The following AGTPBP1 variants were observed in gnomAD, a reference collection of about 807,000 sequenced individuals.
AGTPBP1 encodes the protein cytosolic carboxypeptidase 1.
A neutral mutation model predicts 143.9 loss-of-function variants in AGTPBP1; 70 were observed. The ratio of observed to expected loss-of-function variants is 0.49; its 90% CI spans 0.40 to 0.59. AGTPBP1 has a LOEUF of 0.59. Ranked by LOEUF, AGTPBP1 falls within the 20% of genes least tolerant of loss-of-function variation. The probability of loss-of-function intolerance (pLI) is 0.00; values close to 1 mark genes in which losing one functional copy is unlikely to be tolerated. For missense variants in AGTPBP1, 1,229 were observed against 1,464.5 expected (o/e 0.84, Z 2.62); for synonymous variants, 463 against 500.2 (o/e 0.93, Z 0.99).
rs369148734 is a variant in AGTPBP1, at chr9:85,704,990, G to C, written c.32+7512C>G. On this transcript the variant is annotated intron_variant, in intron 2 of 25. Coordinates refer to ENST00000357081, the MANE Select transcript of AGTPBP1 (RefSeq NM_001330701.2). ...TGAACTTGAGGACACGCAATAAAAAGTATCCAAAATAAAAGAGAGAGAAAA... is the reference window on the plus strand; with the variant it reads ...TGAACTTGAGGACACGCAATAAAAACTATCCAAAATAAAAGAGAGAGAAAA... Among the ~76,000 whole-genome samples the C allele has an allele frequency of 4.0e-3, 609 of 151,748 alleles. 6 individuals are homozygous for C. The highest frequency in any genetic ancestry group is 0.012 in the African/African-American group (477 of 41,370).
At position 85,619,125 on chromosome 9, in the gene AGTPBP1, T is replaced by C. The variant is rs757337832; in HGVS notation, c.2193A>G (p.Glu731=). The C allele has an allele frequency of 3.7e-6, 6 of 1,612,868 alleles. No individual in the cohort carries two copies. In the South Asian group the frequency reaches 5.5e-5, roughly 15 times the overall value. The change falls in exon 17 of 26, where the codon GAA becomes GAG. Residue 731 remains glutamate, a synonymous_variant. Coordinates refer to ENST00000357081, the MANE Select transcript of AGTPBP1 (RefSeq NM_001330701.2). ...LRKVIQIRKN[E]YDLILNSDIN... is the part of the protein sequence containing the mutation. ...TGTCTGAGTTCAGAATAAGATCATA[T>C]TCATTTCTGAAAATAGAAGACAAAG...
intron 1 of AGTPBP1, 163 bp downstream of exon 1, chr9:85,741,612 C>T (rs756063916): frequency 7.6e-5 from 75 of 985,286 alleles, no homozygotes; most frequent in South Asian, 4.2e-4. Flanking sequence ...GTTCCCCTCA[C>T]GCGTCACATG....
chr9:85,575,251 G>T, intron 25 of AGTPBP1, 64 bp downstream of exon 25: 1 of 1,274,398 alleles, frequency 7.8e-7, no homozygotes, highest in South Asian at 1.9e-5. Context: ...TGCCTTTTCT[G>T]CTATTTTAAT....
intron 1 of AGTPBP1, among the ~76,000 whole-genome samples, chr9:85,739,911 G>C (rs931666111): frequency 6.6e-6 from 1 of 151,568 alleles, no homozygotes; most frequent in Non-Finnish European, 1.5e-5. Flanking sequence ...GCTGAGGCGG[G>C]AGAATCGCTT....
chr9:85,782,243 G>A, the AGTPBP1 span, among the ~76,000 whole-genome samples: 1 of 152,174 alleles, frequency 6.6e-6, no homozygotes, highest in Non-Finnish European at 1.5e-5. Context: ...GGCTAGGTGC[G>A]GTGGCTCATG....
chr9:85,619,924 T>G (rs1830816089), intron 15 of AGTPBP1, among the ~76,000 whole-genome samples: 1 of 152,158 alleles, frequency 6.6e-6, no homozygotes, highest in Non-Finnish European at 1.5e-5. Context: ...AGCACTGGTA[T>G]GCCACACTCA....
At chr9:85,661,332 C>T (rs557400906) in intron 8 of AGTPBP1, among the ~76,000 whole-genome samples, 15 of 152,124 alleles carry the variant, frequency 9.9e-5, no homozygotes, top group African/African-American at 2.6e-4. Flanking sequence ...AAAAATCATA[C>T]GCCGTGACTT....
chr9:85,551,466 A>G (rs918793924), intron 25 of AGTPBP1, among the ~76,000 whole-genome samples: 6 of 152,188 alleles, frequency 3.9e-5, no homozygotes, highest in African/African-American at 1.4e-4. Context: ...TTGTGTGCCT[A>G]TATTCTCAGT....
chr9:85,752,990 A>G, the AGTPBP1 span, among the ~76,000 whole-genome samples: 2 of 152,148 alleles, frequency 1.3e-5, no homozygotes, highest in Admixed American at 6.5e-5. Context: ...ACTCTAGTCT[A>G]GGTTACAGAA....
the AGTPBP1 span, among the ~76,000 whole-genome samples, chr9:85,775,542 T>A: frequency 6.8e-5 from 10 of 147,164 alleles, no homozygotes; most frequent in South Asian, 1.5e-3. Flanking sequence ...TATAGATATA[T>A]AAAATATATA....
intron 17 of AGTPBP1, among the ~76,000 whole-genome samples, chr9:85,599,987 C>T (rs1829560564): frequency 6.6e-6 from 1 of 152,132 alleles, no homozygotes; most frequent in Non-Finnish European, 1.5e-5. Context: ...ACTCTATGCC[C>T]CCATTTTCTC....
chr9:85,701,079 G>A lies in AGTPBP1; in HGVS notation c.33-8266C>T, dbSNP rs150289349. Among the ~76,000 whole-genome samples the A allele has an allele frequency of 7.6e-3, 1,146 of 151,578 alleles. 8 individuals carry two copies. The highest frequency in any genetic ancestry group is 8.0e-3 in the Non-Finnish European group (541 of 67,876). Reference sequence around the variant, plus strand: ...ATTACAGGCATGTGCCACCATGCCAGGCTAAGTTTTGTATTAGAGATGGTG... The same window carrying A: ...ATTACAGGCATGTGCCACCATGCCAAGCTAAGTTTTGTATTAGAGATGGTG... On this transcript the variant is annotated intron_variant, in intron 2 of 25. Coordinates refer to ENST00000357081, the MANE Select transcript of AGTPBP1 (RefSeq NM_001330701.2).
At chr9:85,578,389 C>T (rs1055860969) in intron 24 of AGTPBP1, among the ~76,000 whole-genome samples, 1 of 152,136 alleles carries the variant, frequency 6.6e-6, no homozygotes, top group African/African-American at 2.4e-5. Flanking sequence ...GGCAGGAGGA[C>T]TGCTTGAGGC....
intron 25 of AGTPBP1, among the ~76,000 whole-genome samples, chr9:85,557,642 A>G (rs1460288689): frequency 6.6e-6 from 1 of 152,238 alleles, no homozygotes; most frequent in African/African-American, 2.4e-5. Flanking sequence ...TACATTAAAA[A>G]TAAGGCACAT....
rs606606 is a variant in AGTPBP1 at position 85,660,923 on chromosome 9, T to A, written c.700+13A>T. 237,567 of 1,557,402 alleles carry A rather than the reference T, an allele frequency of 0.15. 19,328 individuals carry two copies. Among genetic ancestry groups the A allele is most frequent in the East Asian group, 0.28 (11,907 of 42,892 alleles). On this transcript the variant is annotated intron_variant, in intron 9 of 25. Transcript: ENST00000357081. ...AAAATAGTATCTAGTATTTCTAGTA[T>A]TTAAAAACTTACTTGATTTTAGCAA...
the AGTPBP1 span, among the ~76,000 whole-genome samples, chr9:85,769,709 C>T: frequency 6.6e-6 from 1 of 151,524 alleles, no homozygotes; most frequent in African/African-American, 2.4e-5. Flanking sequence ...TTTTTTATGC[C>T]ATATTGTGCT....
At chr9:85,780,269 A>G in the AGTPBP1 span, among the ~76,000 whole-genome samples, 2 of 148,696 alleles carry the variant, frequency 1.3e-5, no homozygotes, top group South Asian at 4.3e-4. Context: ...TAATGAAAAT[A>G]TTAATAAAGT....
At chr9:85,713,981 C>T (rs1244891384) in intron 1 of AGTPBP1, among the ~76,000 whole-genome samples, 1 of 152,128 alleles carries the variant, frequency 6.6e-6, no homozygotes, top group Non-Finnish European at 1.5e-5. Flanking sequence ...CTGCCACAAA[C>T]AGAAGAAACT....
At chr9:85,559,144 T>G (rs942810707) in intron 25 of AGTPBP1, among the ~76,000 whole-genome samples, 1 of 152,246 alleles carries the variant, frequency 6.6e-6, no homozygotes, top group Admixed American at 6.5e-5. Context: ...CATAGCTATT[T>G]GCTTTTATGA....
Sources: allele counts gnomAD v4.1 joint callset (sites outside exome capture counted in the v4.1 genomes callset), GRCh38; gene constraint gnomAD v4.1.1; transcripts MANE v1.5; gene names NCBI Gene and HGNC (gene_info 2026-07-23, HGNC 2026-07-21).